The following ST8SIA6 variants were observed in gnomAD, a reference collection of about 807,000 sequenced individuals.
ST8SIA6 encodes alpha-2,8-sialyltransferase 8F.
Under a neutral mutation model 33.6 loss-of-function variants are expected in ST8SIA6, and 39 were observed. The observed-to-expected ratio is 1.16, with a 90% CI of 0.90 to 1.52. The LOEUF (loss-of-function observed/expected upper bound fraction) is 1.52. ST8SIA6 is among the 40% of genes most tolerant of loss of function. The pLI is 0.00. For missense variants in ST8SIA6, 441 were observed against 443.8 expected, an observed-to-expected ratio of 0.99 and a Z score of 0.06; for synonymous variants, 172 against 167.2, an observed-to-expected ratio of 1.03 and a Z score of -0.22.
Position 17,320,973 on chromosome 10 carries a change from C to T in ST8SIA6, c.1102G>A (p.Gly368Ser). ...HYYDNKLPKH[G>S]FHQMPKEYSQ... ...TATTCTTTGGGCATCTGATGGAAACCATGTTTAGGTAGCTTGTTGTCATAA... is the reference window on the plus strand; with the variant it reads ...TATTCTTTGGGCATCTGATGGAAACTATGTTTAGGTAGCTTGTTGTCATAA... The change falls in exon 8 of 8, where the codon GGT (glycine) becomes AGT (serine). Residue 368 changes from glycine (G) to serine (S), a missense_variant. By Grantham distance (56) the Gly-to-Ser change is moderately conservative (BLOSUM62 0). Coordinates refer to ENST00000377602, the MANE Select transcript of ST8SIA6 (RefSeq NM_001004470.3). 3 of 1,614,036 alleles carry T rather than the reference C, an allele frequency of 1.9e-6. No homozygotes were observed. The highest frequency in any genetic ancestry group is 2.5e-6 in the Non-Finnish European group (3 of 1,179,974).
chr10:17,398,935 C>T (rs1850927769), intron 2 of ST8SIA6, among the ~76,000 whole-genome samples: 1 of 152,172 alleles, frequency 6.6e-6, no homozygotes, highest in Admixed American at 6.5e-5. Flanking sequence ...GCCACCGCCC[C>T]TGCAACACAC....
intron 2 of ST8SIA6, among the ~76,000 whole-genome samples, chr10:17,393,518 TC>T (rs1850695768): frequency 6.6e-6 from 1 of 152,186 alleles, no homozygotes; most frequent in Admixed American, 6.5e-5. Flanking sequence ...TTACAATGCA[TC>T]ATTAGCCAGA....
chr10:17,361,517 A>AACACACACAC (rs35428636), intron 3 of ST8SIA6, among the ~76,000 whole-genome samples: 11 of 146,098 alleles, frequency 7.5e-5, no homozygotes, highest in Non-Finnish European at 1.5e-4. Flanking sequence ...CTTCCTACAA[A>AACACACACAC]ACACACACAC....
chr10:17,401,077 C>G (rs1300345627), intron 2 of ST8SIA6, among the ~76,000 whole-genome samples: 1 of 152,186 alleles, frequency 6.6e-6, no homozygotes, highest in Non-Finnish European at 1.5e-5. Flanking sequence ...GCAACTTCAG[C>G]AAAGTCTCAG....
rs1852412705 is a variant in ST8SIA6 at position 17,439,903 on chromosome 10, T to A, written c.200+13656A>T. Reference sequence around the variant, plus strand: ...TTCCTACAAAGTTCATGAACACAAATGGAGGTATTTTCAATTGTACAACAA... The same window carrying A: ...TTCCTACAAAGTTCATGAACACAAAAGGAGGTATTTTCAATTGTACAACAA... On this transcript the variant is annotated intron_variant, in intron 2 of 7. Coordinates refer to ENST00000377602, the MANE Select transcript of ST8SIA6 (RefSeq NM_001004470.3). Among the ~76,000 whole-genome samples the A allele has an allele frequency of 2.6e-5, 4 of 152,320 alleles. No individual in the cohort carries two copies. The South Asian group carries it at 8.3e-4, about 32-fold the overall frequency.
chr10:17,448,915 C>G (rs111278606), intron 2 of ST8SIA6, among the ~76,000 whole-genome samples: 8,259 of 150,794 alleles, frequency 0.055, 385 homozygotes, highest in African/African-American at 0.12. Flanking sequence ...CCATTGCGCC[C>G]GGCCGGCAGG....
At chr10:17,441,344 C>T (rs573206659) in intron 2 of ST8SIA6, among the ~76,000 whole-genome samples, 10 of 109,184 alleles carry the variant, frequency 9.2e-5, no homozygotes, top group East Asian at 4.4e-4. Flanking sequence ...GACGGAGTCT[C>T]GCTCGTTTCC....
At chr10:17,390,083 G>C (rs1255957406) in intron 3 of ST8SIA6, among the ~76,000 whole-genome samples, 1 of 152,132 alleles carries the variant, frequency 6.6e-6, no homozygotes, top group African/African-American at 2.4e-5. Context: ...TTGAATTCCT[G>C]GGTTCAAACG....
intron 4 of ST8SIA6, among the ~76,000 whole-genome samples, chr10:17,350,152 G>A (rs529879585): frequency 6.6e-6 from 1 of 152,258 alleles, no homozygotes; most frequent in East Asian, 1.9e-4. Flanking sequence ...TCCAGTTATT[G>A]GGCAAGAAGT....
At chr10:17,353,352 T>C (rs1849093335) in intron 4 of ST8SIA6, among the ~76,000 whole-genome samples, 1 of 152,216 alleles carries the variant, frequency 6.6e-6, no homozygotes, top group Non-Finnish European at 1.5e-5. Flanking sequence ...TCATAGTTTA[T>C]ATCGTTTCAC....
At chr10:17,326,063 C>T (rs1474372562) in intron 6 of ST8SIA6, among the ~76,000 whole-genome samples, 1 of 152,160 alleles carries the variant, frequency 6.6e-6, no homozygotes, top group East Asian at 1.9e-4. Context: ...GCCATTTTAA[C>T]AGTAATCATG....
At chr10:17,364,942 A>C (rs1849510559) in intron 3 of ST8SIA6, among the ~76,000 whole-genome samples, 1 of 152,212 alleles carries the variant, frequency 6.6e-6, no homozygotes, top group South Asian at 2.1e-4. Flanking sequence ...TGAGAAGATA[A>C]ACAGCTTGCT....
chr10:17,438,951 A>G (rs767609385), intron 2 of ST8SIA6, among the ~76,000 whole-genome samples: 1 of 152,200 alleles, frequency 6.6e-6, no homozygotes, highest in African/African-American at 2.4e-5. Context: ...AGAGTTAACA[A>G]TTCTTTTTCA....
At chr10:17,378,658 G>A (rs1169245041) in intron 3 of ST8SIA6, among the ~76,000 whole-genome samples, 1 of 151,986 alleles carries the variant, frequency 6.6e-6, no homozygotes, top group Non-Finnish European at 1.5e-5. Flanking sequence ...CATCAAAACC[G>A]GCAAGTAGTG....
chr10:17,386,497 C>T (rs140335389), intron 3 of ST8SIA6, among the ~76,000 whole-genome samples: 1 of 152,318 alleles, frequency 6.6e-6, no homozygotes, highest in African/African-American at 2.4e-5. Flanking sequence ...CGACATCGCA[C>T]CACTGCACTC....
At chr10:17,354,994 C>G (rs1383931988) in intron 4 of ST8SIA6, among the ~76,000 whole-genome samples, 1 of 152,098 alleles carries the variant, frequency 6.6e-6, no homozygotes, top group Non-Finnish European at 1.5e-5. Flanking sequence ...CTCAGACCCA[C>G]AATTAAGTGC....
At chr10:17,433,016 T>A (rs1852149965) in intron 2 of ST8SIA6, among the ~76,000 whole-genome samples, 1 of 152,130 alleles carries the variant, frequency 6.6e-6, no homozygotes. Context: ...ATCCCTGGAG[T>A]CTCTCTGAAT....
chr10:17,407,366 C>T (rs1296026318), intron 2 of ST8SIA6, among the ~76,000 whole-genome samples: 2 of 152,164 alleles, frequency 1.3e-5, no homozygotes, highest in Admixed American at 1.3e-4. Context: ...TGACACTTGC[C>T]ATCAGAGGGC....
chr10:17,414,620 T>G (rs997667246), intron 2 of ST8SIA6, among the ~76,000 whole-genome samples: 1 of 152,226 alleles, frequency 6.6e-6, no homozygotes, highest in African/African-American at 2.4e-5. Flanking sequence ...GTGAGGGCTC[T>G]CTTCCTGGCT....
Sources: gnomAD v4.1 joint callset for allele counts (sites outside exome capture counted in the v4.1 genomes callset) on GRCh38, gnomAD v4.1.1 for gene constraint, MANE v1.5 for transcripts, NCBI Gene and HGNC (gene_info 2026-07-23, HGNC 2026-07-21) for gene names.